OTULINL: variants seen among roughly 807,000 people sequenced by gnomAD.
OTULINL encodes inactive ubiquitin thioesterase OTULINL.
In OTULINL, 42 loss-of-function variants were observed where a neutral mutation model predicts 43.9. The ratio of observed to expected loss-of-function variants is 0.96; its 90% CI spans 0.75 to 1.24. OTULINL has a LOEUF of 1.24. OTULINL is among the 50% of genes most tolerant of loss of function. The pLI, the probability that OTULINL is intolerant of heterozygous loss-of-function variation, is 0.00. For synonymous variants in OTULINL, 172 were observed against 153.6 expected (o/e 1.12, Z -0.88); for missense variants, 411 against 426.4 (o/e 0.96, Z 0.32).
At chr5:14,587,569 A>T (rs548971027) in intron 1 of OTULINL, among the ~76,000 whole-genome samples, 1 of 152,202 alleles carries the variant, frequency 6.6e-6, no homozygotes, top group Non-Finnish European at 1.5e-5. Context: ...ATTAATATAC[A>T]TGTTGGGTCC....
chr5:14,602,904 T>C (rs1759413163), intron 5 of OTULINL, among the ~76,000 whole-genome samples: 1 of 152,232 alleles, frequency 6.6e-6, no homozygotes, highest in Non-Finnish European at 1.5e-5. Flanking sequence ...ATTCACTTTT[T>C]TACTCTATAG....
At chr5:14,595,216 G>C (rs1238594045) in intron 1 of OTULINL, among the ~76,000 whole-genome samples, 2 of 152,190 alleles carry the variant, frequency 1.3e-5, no homozygotes, top group Non-Finnish European at 2.9e-5. Flanking sequence ...CAGTGGGCTA[G>C]ATGCAGGTGA....
chr5:14,593,691 C>T (rs1465149113), intron 1 of OTULINL, among the ~76,000 whole-genome samples: 1 of 152,224 alleles, frequency 6.6e-6, no homozygotes, highest in African/African-American at 2.4e-5. Flanking sequence ...TTGCATTCAA[C>T]ATCTCTAGAA....
chr5:14,598,005 C>G (rs1759316089), intron 1 of OTULINL, among the ~76,000 whole-genome samples: 1 of 152,122 alleles, frequency 6.6e-6, no homozygotes, highest in African/African-American at 2.4e-5. Context: ...GAGCCATGGT[C>G]TGTAGCGGGT....
In OTULINL at chr5:14,613,505, GAGTT is replaced by G. The variant is rs1308130626; in HGVS notation, c.*3194_*3197del. ...AACCTAGGAGGGAGTCAGGAGGAGA[GAGTT>G]AGGTTAGTTAGTACAACCTAAGAGG... On this transcript the variant is annotated 3_prime_UTR_variant, in exon 8 of 8. Coordinates refer to ENST00000274217, the MANE Select transcript of OTULINL (RefSeq NM_019018.3). 1.3e-5 allele frequency among the ~76,000 whole-genome samples: 2 copies of G among 152,128 alleles called. No individual in the cohort carries two copies. Among genetic ancestry groups the G allele is most frequent in the Non-Finnish European group, 2.9e-5 (2 of 68,020 alleles).
rs1320221765 is a variant in OTULINL, at chr5:14,610,830, G to A, written c.*516G>A. The A allele has an allele frequency of 6.4e-6, 1 of 155,934 alleles. No individual in the cohort carries two copies. Among genetic ancestry groups the A allele is most frequent in the African/African-American group, 2.4e-5 (1 of 41,262 alleles). The allele number at this position is 155,934 out of a possible 1,614,324, so 9.7% of individuals were successfully genotyped here. A position where few individuals can be genotyped will look rare whatever the true frequency, so the allele number is the denominator to read the frequency against. ...ACCATTTGATTAACTTTAAAATTAA[G>A]TATATGTGTGTATATATACATATGT... On this transcript the variant is annotated 3_prime_UTR_variant, in exon 8 of 8. Transcript: ENST00000274217.
chr5:14,599,370 C>T (rs1257046434), intron 1 of OTULINL, among the ~76,000 whole-genome samples: 1 of 152,054 alleles, frequency 6.6e-6, no homozygotes, highest in Non-Finnish European at 1.5e-5. Context: ...TGCCTGTAAT[C>T]CCAGCAACTG....
Position 14,595,382 on chromosome 5 carries a change from G to A in OTULINL, c.65-5583G>A, listed in dbSNP as rs143400671. On this transcript the variant is annotated intron_variant, in intron 1 of 7. Coordinates refer to ENST00000274217, the MANE Select transcript of OTULINL (RefSeq NM_019018.3). Reference sequence around the variant, plus strand: ...TCTGGAAGTTTGAGGCAAACCAGACGCTGCTGAGTTTCCATGAGATAGAGA... The same window carrying A: ...TCTGGAAGTTTGAGGCAAACCAGACACTGCTGAGTTTCCATGAGATAGAGA... Among the ~76,000 whole-genome samples, 4 of 152,296 alleles carry A rather than the reference G, an allele frequency of 2.6e-5. No homozygotes were observed. In the East Asian group the frequency reaches 5.8e-4, roughly 22 times the overall value.
At chr5:14,586,429 A>G (rs553503697) in intron 1 of OTULINL, among the ~76,000 whole-genome samples, 3 of 152,230 alleles carry the variant, frequency 2.0e-5, no homozygotes, top group Non-Finnish European at 4.4e-5. Context: ...TTTCTAGGAG[A>G]CAAAAGCCTG....
At chr5:14,593,899 G>T (rs1759245184) in intron 1 of OTULINL, among the ~76,000 whole-genome samples, 1 of 152,196 alleles carries the variant, frequency 6.6e-6, no homozygotes, top group Admixed American at 6.5e-5. Context: ...TTGCATGACA[G>T]CCTACAGTTG....
intron 1 of OTULINL, among the ~76,000 whole-genome samples, chr5:14,599,504 T>G (rs1049234564): frequency 6.6e-6 from 1 of 151,404 alleles, no homozygotes. Context: ...AAAAAAAAAA[T>G]TGCTAGTGTT....
chr5:14,599,138 G>T (rs1048701434), intron 1 of OTULINL, among the ~76,000 whole-genome samples: 2 of 152,204 alleles, frequency 1.3e-5, no homozygotes, highest in Non-Finnish European at 2.9e-5. Context: ...GTTCTAAACA[G>T]ATAAGCACTT....
intron 1 of OTULINL, among the ~76,000 whole-genome samples, chr5:14,595,425 C>T (rs994785917): frequency 6.6e-6 from 1 of 152,172 alleles, no homozygotes; most frequent in Non-Finnish European, 1.5e-5. Flanking sequence ...ATGTCCAGGA[C>T]AGTAGGAGCC....
intron 1 of OTULINL, among the ~76,000 whole-genome samples, chr5:14,596,966 A>G (rs1759298199): frequency 6.6e-6 from 1 of 152,132 alleles, no homozygotes; most frequent in Non-Finnish European, 1.5e-5. Flanking sequence ...GAATTTTGTG[A>G]TTAAGTTTCC....
chr5:14,597,501 T>C (rs1759307643), intron 1 of OTULINL, among the ~76,000 whole-genome samples: 1 of 152,220 alleles, frequency 6.6e-6, no homozygotes, highest in African/African-American at 2.4e-5. Flanking sequence ...GGCATGGTCA[T>C]AGGAGTAAAT....
At chr5:14,598,636 AAG>A (rs1470014208) in intron 1 of OTULINL, among the ~76,000 whole-genome samples, 3 of 152,192 alleles carry the variant, frequency 2.0e-5, no homozygotes, top group Admixed American at 6.5e-5. Flanking sequence ...GCTTGAATCT[AAG>A]AGTTTGAGGT....
chr5:14,607,923 G>A (rs148526145), intron 6 of OTULINL, among the ~76,000 whole-genome samples: 2,302 of 152,160 alleles, frequency 0.015, 61 homozygotes, highest in African/African-American at 0.053. Flanking sequence ...GGTTACCTTG[G>A]GAAATAACCT....
chr5:14,599,813 CTAGTCCTGT>C (rs1579922427), intron 1 of OTULINL, among the ~76,000 whole-genome samples: 1 of 152,168 alleles, frequency 6.6e-6, no homozygotes, highest in African/African-American at 2.4e-5. Context: ...TTTGAACTCT[CTAGTCCTGT>C]TAGTTTTCTC....
Position 14,581,870 on chromosome 5 carries a change from AGCGCCCGTCCGCAGC to A in OTULINL, c.-21_-7del, listed in dbSNP as rs1455882891. 7.1e-7 allele frequency: 1 copy of A among 1,401,166 alleles called. No homozygotes were observed. Among genetic ancestry groups the A allele is most frequent in the South Asian group, 1.4e-5 (1 of 69,032 alleles). 86.8% of individuals were successfully genotyped at this position (1,401,166 alleles called of 1,614,324 possible). A position where few individuals can be genotyped will look rare whatever the true frequency, so the allele number is the denominator to read the frequency against. ...CACTGCAGACCACGGGCCGAGGCCCAGCGCCCGTCCGCAGCGCGGCCGGCATGGCGGCGACAAGGA... is the reference window on the plus strand; with the variant it reads ...CACTGCAGACCACGGGCCGAGGCCCAGCGGCCGGCATGGCGGCGACAAGGA... On this transcript the variant is annotated 5_prime_UTR_variant, in exon 1 of 8. Transcript: ENST00000274217.
Sources: gnomAD v4.1 joint callset for allele counts (sites outside exome capture counted in the v4.1 genomes callset) on GRCh38, gnomAD v4.1.1 for gene constraint, MANE v1.5 for transcripts, NCBI Gene and HGNC (gene_info 2026-07-23, HGNC 2026-07-21) for gene names.